UTS2: variants seen among roughly 807,000 people sequenced by gnomAD.
UTS2 encodes urotensin-2.
In UTS2, 10 loss-of-function variants were observed where a neutral mutation model predicts 12.6. That is an observed-to-expected ratio of 0.80 (90% CI 0.49 to 1.35). The LOEUF (loss-of-function observed/expected upper bound fraction) is 1.35. Ranked by LOEUF, UTS2 falls within the 40% of genes most tolerant of loss-of-function variation. The pLI, the probability that UTS2 is intolerant of heterozygous loss-of-function variation, is 0.00. For missense variants in UTS2, 142 were observed against 143.2 expected (o/e 0.99, Z 0.04); for synonymous variants, 52 against 50.0 (o/e 1.04, Z -0.17).
At chr1:7,885,436 G>A in the UTS2 span, among the ~76,000 whole-genome samples, 2 of 152,164 alleles carry the variant, frequency 1.3e-5, no homozygotes, top group African/African-American at 2.4e-5. Context: ...CTTCCTCCCA[G>A]GAAGGACAGG....
the UTS2 span, among the ~76,000 whole-genome samples, chr1:7,891,809 A>G: frequency 1.3e-5 from 2 of 152,336 alleles, no homozygotes; most frequent in Admixed American, 1.3e-4. Flanking sequence ...AAAAAGGAGC[A>G]CATACTCTAT....
At chr1:7,891,320 G>A in the UTS2 span, among the ~76,000 whole-genome samples, 1 of 152,060 alleles carries the variant, frequency 6.6e-6, no homozygotes, top group Admixed American at 6.6e-5. Flanking sequence ...GAGGTCAGGA[G>A]TTCCAGACCA....
In UTS2 at chr1:7,847,777, AT is replaced by A; in HGVS notation, c.363del (p.Lys121AsnfsTer8). On this transcript the variant is annotated frameshift_variant, in exon 4 of 4. Coordinates refer to ENST00000361696, the MANE Select transcript of UTS2 (RefSeq NM_006786.4). LOFTEE classifies it high-confidence loss of function. The stretch of plus-strand genomic sequence containing the variant: ...ATGCTTATTTCACTTCAGACACAGT[AT>A]TTCCAGAAGCAATCAGGAGTCTCAC... Reference protein sequence around the residue: ...KKRETPDCFWKYCV With the variant: ...KKRETPDCFWXYCV 1.9e-6 allele frequency: 3 copies of A among 1,611,842 alleles called. No homozygotes were observed. The highest frequency in any genetic ancestry group is 2.5e-6 in the Non-Finnish European group (3 of 1,178,520).
chr1:7,901,817 GC>G, the UTS2 span, among the ~76,000 whole-genome samples: 1 of 152,122 alleles, frequency 6.6e-6, no homozygotes, highest in Non-Finnish European at 1.5e-5. Flanking sequence ...GGTTTGAGAT[GC>G]CTGTGAGGAT....
chr1:7,888,312 C>T, the UTS2 span, among the ~76,000 whole-genome samples: 1 of 152,082 alleles, frequency 6.6e-6, no homozygotes, highest in South Asian at 2.1e-4. Context: ...CAGCACTGAG[C>T]ATTTTCTTCC....
chr1:7,861,811 G>A, the UTS2 span, among the ~76,000 whole-genome samples: 1 of 152,164 alleles, frequency 6.6e-6, no homozygotes, highest in Admixed American at 6.5e-5. Context: ...GAACATGTGA[G>A]GGCAAACTCT....
chr1:7,886,443 A>G, the UTS2 span, among the ~76,000 whole-genome samples: 1 of 152,208 alleles, frequency 6.6e-6, no homozygotes, highest in Admixed American at 6.5e-5. Context: ...ATTTTGAATG[A>G]GTAGTACTTG....
chr1:7,908,371 C>A, the UTS2 span, among the ~76,000 whole-genome samples: 1 of 144,648 alleles, frequency 6.9e-6, no homozygotes, highest in African/African-American at 2.6e-5. Context: ...GAGGCTGAGG[C>A]AGGAGAATTG....
the UTS2 span, among the ~76,000 whole-genome samples, chr1:7,912,430 C>A: frequency 6.7e-6 from 1 of 148,254 alleles, no homozygotes; most frequent in African/African-American, 2.5e-5. Flanking sequence ...TGGGCAGGAA[C>A]TTTATAACAC....
upstream of UTS2, among the ~76,000 whole-genome samples, chr1:7,855,667 G>A (rs1638291708): frequency 6.9e-6 from 1 of 145,818 alleles, no homozygotes; most frequent in Non-Finnish European, 1.5e-5. Flanking sequence ...ACAGGTGTGA[G>A]CCACCACATC....
At chr1:7,860,007 T>C in the UTS2 span, among the ~76,000 whole-genome samples, 1 of 126,328 alleles carries the variant, frequency 7.9e-6, no homozygotes. Context: ...TAAAAAAAAA[T>C]GCATACATAT....
the UTS2 span, among the ~76,000 whole-genome samples, chr1:7,886,562 T>C: frequency 6.6e-6 from 1 of 152,200 alleles, no homozygotes; most frequent in East Asian, 1.9e-4. Context: ...GTGAAACCGA[T>C]GGCTCACAAA....
At chr1:7,874,520 G>A in the UTS2 span, among the ~76,000 whole-genome samples, 2 of 152,126 alleles carry the variant, frequency 1.3e-5, no homozygotes, top group East Asian at 3.9e-4. Context: ...CAGCAATCTA[G>A]TCTACACATG....
the UTS2 span, among the ~76,000 whole-genome samples, chr1:7,907,051 G>A: frequency 6.6e-6 from 1 of 152,056 alleles, no homozygotes; most frequent in African/African-American, 2.4e-5. Context: ...GGGAGTTTGA[G>A]GTTGGGAGCC....
At chr1:7,877,143 GAAAAAAA>G in the UTS2 span, among the ~76,000 whole-genome samples, 1 of 68,036 alleles carries the variant, frequency 1.5e-5, no homozygotes, top group African/African-American at 5.8e-5. Context: ...AAAAAAAAAA[GAAAAAAA>G]AAAGAAACAT....
chr1:7,853,617 T>G, upstream of UTS2: 1 of 652,344 alleles, frequency 1.5e-6, no homozygotes, highest in South Asian at 2.3e-5. Context: ...CGTGGCCTCA[T>G]GTGAAGCCGC....
At chr1:7,902,983 G>A in the UTS2 span, among the ~76,000 whole-genome samples, 1 of 147,548 alleles carries the variant, frequency 6.8e-6, no homozygotes, top group Non-Finnish European at 1.5e-5. Context: ...TTACTGTCTG[G>A]CTTTTCTCCC....
At chr1:7,855,691 T>C (rs954989268), upstream of UTS2, among the ~76,000 whole-genome samples, 1 of 150,024 alleles carries the variant, frequency 6.7e-6, no homozygotes, top group East Asian at 2.0e-4. Context: ...CCATTATTAT[T>C]ATTATTATTA....
the UTS2 span, among the ~76,000 whole-genome samples, chr1:7,899,314 C>T: frequency 6.6e-6 from 1 of 152,120 alleles, no homozygotes; most frequent in Non-Finnish European, 1.5e-5. Flanking sequence ...AAAACAGAGG[C>T]CTGAGGGACC....
Sources: allele counts gnomAD v4.1 joint callset (sites outside exome capture counted in the v4.1 genomes callset), GRCh38; gene constraint gnomAD v4.1.1; transcripts MANE v1.5; gene names NCBI Gene and HGNC (gene_info 2026-07-23, HGNC 2026-07-21).